MED4: variants seen among roughly 807,000 people sequenced by gnomAD.
MED4 encodes the protein mediator complex subunit 4, also known as mediator of RNA polymerase II transcription subunit 4.
MED4 carries 21 observed loss-of-function variants against 35.0 expected under a neutral mutation model. The ratio of observed to expected loss-of-function variants is 0.60; its 90% CI spans 0.43 to 0.86. The LOEUF (loss-of-function observed/expected upper bound fraction) is 0.86. Among genes scored for constraint, MED4 ranks in the 40% least tolerant of loss-of-function variants. The pLI is 0.00. For missense variants in MED4, 300 were observed against 319.4 expected (o/e 0.94, Z 0.46); for synonymous variants, 138 against 114.0 (o/e 1.21, Z -1.34).
chr13:48,082,314 C>T (rs1489922458), intron 4 of MED4, among the ~76,000 whole-genome samples: 1 of 151,880 alleles, frequency 6.6e-6, no homozygotes, highest in East Asian at 1.9e-4. Context: ...AAATCTAGGA[C>T]ATATACCAAA....
intron 4 of MED4, among the ~76,000 whole-genome samples, chr13:48,082,885 G>A (rs1950820165): frequency 6.6e-6 from 1 of 152,126 alleles, no homozygotes; most frequent in Non-Finnish European, 1.5e-5. Flanking sequence ...AGGGACAGCA[G>A]GGCAGGAAGG....
At chr13:48,087,363 G>T (rs868705600) in intron 2 of MED4, among the ~76,000 whole-genome samples, 2 of 151,796 alleles carry the variant, frequency 1.3e-5, no homozygotes, top group Non-Finnish European at 2.9e-5. Flanking sequence ...AAACTCCATC[G>T]CAAATATATA....
chr13:48,083,622 A>G (rs1437211160), intron 3 of MED4, among the ~76,000 whole-genome samples, 194 bp from the exon 4 acceptor site: 1 of 152,222 alleles, frequency 6.6e-6, no homozygotes, highest in African/African-American at 2.4e-5. Flanking sequence ...AAGAAATATT[A>G]TATTTATGAA....
chr13:48,090,452 T>C (rs1288206313), intron 1 of MED4, 34 bp from the exon 2 acceptor site: 1 of 1,520,766 alleles, frequency 6.6e-7, no homozygotes, highest in Middle Eastern at 1.7e-4. Flanking sequence ...ACAAAAACCC[T>C]TTCACAGCAT....
At chr13:48,083,787 CT>C (rs964598216) in intron 3 of MED4, among the ~76,000 whole-genome samples, 9 of 152,218 alleles carry the variant, frequency 5.9e-5, no homozygotes, top group Non-Finnish European at 8.8e-5. Flanking sequence ...ATAAAATACC[CT>C]TTTTTCCCCT....
At chr13:48,091,670 C>T (rs980664641) in intron 1 of MED4, among the ~76,000 whole-genome samples, 1 of 152,096 alleles carries the variant, frequency 6.6e-6, no homozygotes, top group Admixed American at 6.6e-5. Context: ...TATCATGTGC[C>T]AGGCACTTTC....
chr13:48,095,073 A>T lies in MED4; in HGVS notation c.6T>A (p.Ala2=). 1 of 1,603,596 alleles carries T rather than the reference A, an allele frequency of 6.2e-7. No individual in the cohort carries two copies. The highest frequency in any genetic ancestry group is 1.7e-5 in the Admixed American group (1 of 60,026). Residue 2 remains alanine, a synonymous_variant, in exon 1 of 7, where the codon GCT becomes GCA. Coordinates refer to ENST00000258648, the MANE Select transcript of MED4 (RefSeq NM_014166.4). ...TCTCCTTCTCACCACTCGAAGACGCAGCCATTTTCCCCAGAGTCCCGCCAC... is the reference window on the plus strand; with the variant it reads ...TCTCCTTCTCACCACTCGAAGACGCTGCCATTTTCCCCAGAGTCCCGCCAC... M[A]ASSSGEKEKE... is the part of the protein sequence containing the mutation.
In MED4 at chr13:48,084,136, G is replaced by A. The variant is rs190957122; in HGVS notation, c.364-708C>T. The stretch of plus-strand genomic sequence containing the variant: ...AATTTATATGGGCATGGTGACACAC[G>A]CCTATCTCAGCTACTTGGGAGGCTG... On this transcript the variant is annotated intron_variant, in intron 3 of 6. Coordinates refer to ENST00000258648, the MANE Select transcript of MED4 (RefSeq NM_014166.4). Among the ~76,000 whole-genome samples, 8 of 152,066 alleles carry A rather than the reference G, an allele frequency of 5.3e-5. No homozygotes were observed. The East Asian group carries it at 1.2e-3, about 22-fold the overall frequency.
chr13:48,094,921 G>A (rs1343380341), intron 1 of MED4, 33 bp downstream of exon 1: 8 of 1,597,954 alleles, frequency 5.0e-6, no homozygotes, highest in Non-Finnish European at 6.8e-6. Flanking sequence ...CCCCGGCCCA[G>A]CTCCAGCCCG....
At chr13:48,077,464 T>C (rs1374663092) in intron 6 of MED4, 153 bp from the exon 7 acceptor site, 2 of 594,916 alleles carry the variant, frequency 3.4e-6, no homozygotes, top group East Asian at 3.6e-5. Context: ...TCACCCAGGC[T>C]TGAGTGCAGT....
At chr13:48,089,028 G>C (rs1469343312) in intron 2 of MED4, among the ~76,000 whole-genome samples, 1 of 152,188 alleles carries the variant, frequency 6.6e-6, no homozygotes, top group Non-Finnish European at 1.5e-5. Flanking sequence ...CTGGCTCATA[G>C]CAAGCATTTA....
At chr13:48,080,396 C>CAAAAAA (rs57198503) in intron 5 of MED4, among the ~76,000 whole-genome samples, 21 of 68,720 alleles carry the variant, frequency 3.1e-4, no homozygotes, top group East Asian at 1.2e-3. Flanking sequence ...GACCCTGTCT[C>CAAAAAA]AAAAAAAAAA....
chr13:48,079,728 C>CAAA, intron 6 of MED4, 116 bp downstream of exon 6: 9 of 1,125,826 alleles, frequency 8.0e-6, no homozygotes, highest in Non-Finnish European at 9.8e-6. Flanking sequence ...CTCAAATTTA[C>CAAA]AAAAAAAAAA....
At position 48,077,289 on chromosome 13, in the gene MED4, T is replaced by C. The variant is rs1284585374; in HGVS notation, c.663A>G (p.Pro221=). 6 of 1,526,074 alleles carry C rather than the reference T, an allele frequency of 3.9e-6. No individual in the cohort carries two copies. The highest frequency in any genetic ancestry group is 1.3e-5 in the South Asian group (1 of 77,114). The allele number at this position is 1,526,074 out of a possible 1,614,324, so 94.5% of individuals were successfully genotyped here. ...TCATCGACATGTCATTTGACTGCCATGGATACTGTGGAGCAAGGACATCTG... is the reference window on the plus strand; with the variant it reads ...TCATCGACATGTCATTTGACTGCCACGGATACTGTGGAGCAAGGACATCTG... ...RLPDVLAPQY[P]WQSNDMSMNM... is the part of the protein sequence containing the mutation. Residue 221 remains proline (P), a synonymous_variant, in exon 7 of 7, where the codon CCA becomes CCG. Coordinates refer to ENST00000258648, the MANE Select transcript of MED4 (RefSeq NM_014166.4).
intron 3 of MED4, among the ~76,000 whole-genome samples, 200 bp downstream of exon 3, chr13:48,086,082 C>A (rs768269247): frequency 6.6e-6 from 1 of 152,048 alleles, no homozygotes; most frequent in Non-Finnish European, 1.5e-5. Flanking sequence ...ACAAGTAATG[C>A]AGACTATTTG....
chr13:48,088,143 G>C (rs993857587), intron 2 of MED4, among the ~76,000 whole-genome samples: 1 of 152,216 alleles, frequency 6.6e-6, no homozygotes, highest in Admixed American at 6.5e-5. Context: ...GCAAAGGCTA[G>C]TTATTACGAT....
At chr13:48,094,488 C>T (rs1396397249) in intron 1 of MED4, among the ~76,000 whole-genome samples, 2 of 152,144 alleles carry the variant, frequency 1.3e-5, no homozygotes, top group African/African-American at 2.4e-5. Flanking sequence ...TCATGCTTCC[C>T]AAGCAGCACT....
intron 2 of MED4, among the ~76,000 whole-genome samples, chr13:48,088,108 T>A (rs1950865688): frequency 6.6e-6 from 1 of 152,200 alleles, no homozygotes. Context: ...TATATTGCAC[T>A]TTAAGTACAT....
intron 1 of MED4, chr13:48,093,426 T>C: frequency 7.7e-6 from 2 of 259,572 alleles, no homozygotes; most frequent in South Asian, 7.8e-5. Context: ...AGAGGCTAAA[T>C]CTAAAAATAT....
Sources: gnomAD v4.1 joint callset for allele counts (sites outside exome capture counted in the v4.1 genomes callset) on GRCh38, gnomAD v4.1.1 for gene constraint, MANE v1.5 for transcripts, NCBI Gene and HGNC (gene_info 2026-07-23, HGNC 2026-07-21) for gene names.